CDC45: variants seen among roughly 807,000 people sequenced by gnomAD.
The protein encoded by CDC45 is cell division control protein 45 homolog.
In CDC45, 54 loss-of-function variants were observed where a neutral mutation model predicts 77.8. The ratio of observed to expected loss-of-function variants is 0.69; its 90% CI spans 0.56 to 0.87. The LOEUF (loss-of-function observed/expected upper bound fraction) is 0.87. Among genes scored for constraint, CDC45 ranks in the 40% least tolerant of loss-of-function variants. The pLI is 0.00. For synonymous variants in CDC45, 260 were observed against 272.1 expected, an observed-to-expected ratio of 0.96 and a Z score of 0.44; for missense variants, 649 against 721.6, an observed-to-expected ratio of 0.90 and a Z score of 1.15.
chr22:19,503,905 A>G (rs1216909577), intron 9 of CDC45, among the ~76,000 whole-genome samples: 7 of 152,244 alleles, frequency 4.6e-5, no homozygotes, highest in African/African-American at 1.7e-4. Flanking sequence ...TTTCAAAACC[A>G]GAAACTTGCT....
chr22:19,495,298 C>T (rs1272209664), intron 6 of CDC45, among the ~76,000 whole-genome samples: 2 of 152,144 alleles, frequency 1.3e-5, no homozygotes, highest in Non-Finnish European at 2.9e-5. Flanking sequence ...TTGGCAGTTT[C>T]CCTTCTTTTT....
At chr22:19,479,721 T>G, upstream of CDC45, 2 of 665,360 alleles carry the variant, frequency 3.0e-6, no homozygotes, top group Non-Finnish European at 2.8e-6. Context: ...GGGGCAACAG[T>G]GTTTGCGTTC....
At chr22:19,486,272 T>C (rs2090065038) in intron 5 of CDC45, among the ~76,000 whole-genome samples, 1 of 152,236 alleles carries the variant, frequency 6.6e-6, no homozygotes, top group Non-Finnish European at 1.5e-5. Context: ...GCCATTGTCA[T>C]ACATAAGAAA....
intron 5 of CDC45, among the ~76,000 whole-genome samples, chr22:19,488,599 A>G (rs916778821): frequency 7.9e-5 from 12 of 152,232 alleles, no homozygotes; most frequent in African/African-American, 2.4e-4. Flanking sequence ...GGACCCCACC[A>G]TGCATTGTGG....
chr22:19,488,351 C>T (rs1182717305), intron 5 of CDC45, among the ~76,000 whole-genome samples: 1 of 152,234 alleles, frequency 6.6e-6, no homozygotes, highest in East Asian at 1.9e-4. Flanking sequence ...TCTGGGCCCT[C>T]AGGTGGGGAC....
At chr22:19,515,812 C>T (rs968486370) in intron 15 of CDC45, among the ~76,000 whole-genome samples, 1 of 152,204 alleles carries the variant, frequency 6.6e-6, no homozygotes, top group Non-Finnish European at 1.5e-5. Context: ...TCCTCAGTTT[C>T]CTCATCCGTG....
intron 5 of CDC45, among the ~76,000 whole-genome samples, chr22:19,492,918 G>T (rs2090174576): frequency 6.6e-6 from 1 of 152,214 alleles, no homozygotes; most frequent in Admixed American, 6.5e-5. Flanking sequence ...GAAGGTGGGG[G>T]TGGAAGTCTG....
chr22:19,485,884 C>CT (rs2090059217), intron 5 of CDC45, among the ~76,000 whole-genome samples: 1 of 152,110 alleles, frequency 6.6e-6, no homozygotes, highest in African/African-American at 2.4e-5. Context: ...TGAGAACAGC[C>CT]TGGGCAACAT....
chr22:19,485,274 A>T (rs1161209026), intron 5 of CDC45, among the ~76,000 whole-genome samples: 1 of 152,230 alleles, frequency 6.6e-6, no homozygotes, highest in African/African-American at 2.4e-5. Context: ...AATATTTTTT[A>T]AGCACTTACT....
At chr22:19,496,404 C>T (rs112584996) in intron 7 of CDC45, among the ~76,000 whole-genome samples, 5,688 of 152,240 alleles carry the variant, frequency 0.037, 346 homozygotes, top group African/African-American at 0.13. Context: ...TTTTACAAAA[C>T]AGAATTTAGT....
chr22:19,492,608 G>C (rs541726881), intron 5 of CDC45, among the ~76,000 whole-genome samples: 1 of 152,040 alleles, frequency 6.6e-6, no homozygotes, highest in Non-Finnish European at 1.5e-5. Flanking sequence ...TGTTGGCATC[G>C]GTGGGTTTTC....
At chr22:19,500,108 C>T (rs2090314217) in intron 9 of CDC45, among the ~76,000 whole-genome samples, 1 of 152,210 alleles carries the variant, frequency 6.6e-6, no homozygotes, top group East Asian at 1.9e-4. Flanking sequence ...TTAAGAGTAG[C>T]ATGGAATTTG....
Position 19,519,010 on chromosome 22 carries a change from T to C in CDC45, c.*1+101T>C, listed in dbSNP as rs368178955. The C allele has an allele frequency of 1.2e-3, 1,124 of 899,608 alleles. 24 individuals carry two copies. In the South Asian group the frequency reaches 0.015, roughly 12 times the overall value. The allele number at this position is 899,608 out of a possible 1,614,324, so 55.7% of individuals were successfully genotyped here. On this transcript the variant is annotated intron_variant, in intron 18 of 18. Coordinates refer to ENST00000263201, the MANE Select transcript of CDC45 (RefSeq NM_003504.5). ...CCCTCAACGGAGGCTTCTACTTGGG[T>C]TTCAGACCGAAGCAGGGTTCTTGAG... is the stretch of plus-strand genomic sequence containing the variant.
intron 5 of CDC45, among the ~76,000 whole-genome samples, chr22:19,490,966 C>T (rs1196466144): frequency 6.6e-6 from 1 of 151,066 alleles, no homozygotes; most frequent in Non-Finnish European, 1.5e-5. Flanking sequence ...TAGCTGGGAC[C>T]CCAGGTGTGT....
At chr22:19,512,505 A>G (rs1933571874) in intron 13 of CDC45, among the ~76,000 whole-genome samples, 2 of 152,080 alleles carry the variant, frequency 1.3e-5, no homozygotes, top group South Asian at 2.1e-4. Context: ...TTTGCAATCT[A>G]GTTGCTCTAC....
intron 17 of CDC45, 136 bp downstream of exon 17, chr22:19,517,029 G>A: frequency 1.4e-6 from 1 of 721,790 alleles, no homozygotes; most frequent in East Asian, 2.7e-5. Context: ...TCTGGCCCTG[G>A]GACAGGCTAC....
In CDC45 at chr22:19,520,534, A is replaced by G. The variant is rs1052248038; in HGVS notation, c.*55A>G. 2.6e-5 allele frequency: 4 copies of G among 152,098 alleles called. No individual in the cohort carries two copies. Among genetic ancestry groups the G allele is most frequent in the Non-Finnish European group, 2.9e-5 (2 of 68,012 alleles). The allele number at this position is 152,098 out of a possible 1,614,324, so 9.4% of individuals were successfully genotyped here. A position where few individuals can be genotyped will look rare whatever the true frequency, so the allele number is the denominator to read the frequency against. On this transcript the variant is annotated 3_prime_UTR_variant, in exon 19 of 19. Coordinates refer to ENST00000263201, the MANE Select transcript of CDC45 (RefSeq NM_003504.5). This position sits in a 1 kb window ranked among gnomAD's most constrained non-coding sequence, Gnocchi z 4.5. ...ATTTATGTAACTGGCTTTCATTTAG[A>G]TTGTAAGTTATGGACATGATTTGAG...
chr22:19,514,619 G>A (rs527752118), intron 13 of CDC45, 130 bp from the exon 14 acceptor site: 2 of 707,134 alleles, frequency 2.8e-6, no homozygotes, highest in Non-Finnish European at 4.7e-6. Context: ...AACTCAGGAG[G>A]GAAAGAAGAT....
chr22:19,484,334 T>C (rs985707408), intron 5 of CDC45, among the ~76,000 whole-genome samples: 1 of 152,228 alleles, frequency 6.6e-6, no homozygotes, highest in Non-Finnish European at 1.5e-5. Flanking sequence ...TTTTCTACTG[T>C]CTTCTAGCAT....
Sources: allele counts gnomAD v4.1 joint callset (sites outside exome capture counted in the v4.1 genomes callset), GRCh38; gene constraint gnomAD v4.1.1; non-coding constraint Gnocchi (gnomAD v3.1); transcripts MANE v1.5; gene names NCBI Gene and HGNC (gene_info 2026-07-23, HGNC 2026-07-21).